CSMD2: variants seen among roughly 807,000 people sequenced by gnomAD.
The protein encoded by CSMD2 is CUB and Sushi multiple domains 2, also known as CUB and sushi domain-containing protein 2.
Under a neutral mutation model 398.5 loss-of-function variants are expected in CSMD2, and 130 were observed. The observed-to-expected ratio is 0.33, with a 90% CI of 0.28 to 0.38. The LOEUF (loss-of-function observed/expected upper bound fraction) is 0.38, where lower values mean the gene tolerates loss of function less well. Among genes scored for constraint, CSMD2 ranks in the 10% least tolerant of loss-of-function variants. The pLI, the probability that CSMD2 is intolerant of heterozygous loss-of-function variation, is 1.00. For synonymous variants in CSMD2, 1,828 were observed against 1,908.5 expected (o/e 0.96, Z 1.10); for missense variants, 3,829 against 4,764.9 (o/e 0.80, Z 5.78).
chr1:33,539,129 G>A (rs896733288), intron 60 of CSMD2, among the ~76,000 whole-genome samples: 3 of 152,166 alleles, frequency 2.0e-5, no homozygotes, highest in Admixed American at 6.5e-5. Context: ...CACCACGCCC[G>A]GCTAATTTTT....
At chr1:33,558,829 T>C (rs1318791065) in intron 54 of CSMD2, among the ~76,000 whole-genome samples, 1 of 152,070 alleles carries the variant, frequency 6.6e-6, no homozygotes, top group African/African-American at 2.4e-5. Context: ...TTTAACCCTC[T>C]GCTTTTTCAT....
chr1:33,935,704 C>T (rs1644457573), intron 4 of CSMD2, 56 bp downstream of exon 4: 1 of 1,507,630 alleles, frequency 6.6e-7, no homozygotes, highest in Non-Finnish European at 8.9e-7. Context: ...CTGGAAGCTC[C>T]AGCATCACCT....
chr1:33,935,730 ACT>A (rs530757406), intron 4 of CSMD2, 28 bp downstream of exon 4: 1,268 of 1,568,664 alleles, frequency 8.1e-4, no homozygotes, highest in Non-Finnish European at 1.1e-3. Context: ...CCACTGCCCC[ACT>A]CTGTCAGACC....
intron 1 of CSMD2, among the ~76,000 whole-genome samples, chr1:34,142,343 C>T (rs1437887875): frequency 6.6e-6 from 1 of 152,064 alleles, no homozygotes; most frequent in African/African-American, 2.4e-5. Context: ...GAGCCAAGGC[C>T]CAAGATCGGC....
chr1:34,031,498 G>A lies in CSMD2; in HGVS notation c.517+1096C>T, dbSNP rs76557451. ...AGAAGCCCTCAGCAAAAGACAGGTG[G>A]AACTTTCTCAGGAGCCTTCTCAGCA... On this transcript the variant is annotated intron_variant, in intron 3 of 70. Coordinates refer to ENST00000373381, the MANE Select transcript of CSMD2 (RefSeq NM_001281956.2). Among the ~76,000 whole-genome samples the A allele has an allele frequency of 6.4e-4, 97 of 152,146 alleles. 1 individual carries two copies. In the East Asian group the frequency reaches 0.018, roughly 28 times the overall value.
At chr1:33,946,159 T>TG (rs1474340822) in intron 3 of CSMD2, among the ~76,000 whole-genome samples, 1 of 152,222 alleles carries the variant, frequency 6.6e-6, no homozygotes, top group African/African-American at 2.4e-5. Context: ...TGCTTAACCT[T>TG]GCTTAATCCA....
chr1:33,829,581 G>A (rs1314362310), intron 6 of CSMD2, among the ~76,000 whole-genome samples: 3 of 152,188 alleles, frequency 2.0e-5, no homozygotes, highest in Admixed American at 6.5e-5. Context: ...CGTGAGCGAC[G>A]CAGAAGAAGG....
chr1:34,155,047 A>T (rs1640681897), intron 1 of CSMD2, among the ~76,000 whole-genome samples: 2 of 152,170 alleles, frequency 1.3e-5, no homozygotes. Flanking sequence ...ATATTTGAAG[A>T]CATATATCAA....
At chr1:33,747,471 T>A (rs1315836083) in intron 13 of CSMD2, among the ~76,000 whole-genome samples, 2 of 152,166 alleles carry the variant, frequency 1.3e-5, no homozygotes, top group Non-Finnish European at 2.9e-5. Flanking sequence ...CTTTTAAAGA[T>A]GTTAAGTGTA....
intron 5 of CSMD2, among the ~76,000 whole-genome samples, chr1:33,907,224 T>A (rs1383130484): frequency 6.6e-6 from 1 of 151,442 alleles, no homozygotes; most frequent in African/African-American, 2.4e-5. Flanking sequence ...CTTTGCGCCA[T>A]TCTCCTGCCT....
At chr1:34,073,199 A>G (rs1655937400) in intron 2 of CSMD2, among the ~76,000 whole-genome samples, 1 of 152,200 alleles carries the variant, frequency 6.6e-6, no homozygotes, top group African/African-American at 2.4e-5. Context: ...AGCTCCTACC[A>G]ACAGGTTTGC....
intron 10 of CSMD2, among the ~76,000 whole-genome samples, chr1:33,806,471 A>T (rs757214446): frequency 6.6e-6 from 1 of 152,178 alleles, no homozygotes; most frequent in Non-Finnish European, 1.5e-5. Flanking sequence ...GGTCTCAAAG[A>T]ATTACCAGAG....
intron 1 of CSMD2, among the ~76,000 whole-genome samples, chr1:34,108,279 G>T (rs1660715032): frequency 6.6e-6 from 1 of 151,726 alleles, no homozygotes; most frequent in Non-Finnish European, 1.5e-5. Context: ...TAATGAGAGA[G>T]AGAGAAAAAA....
chr1:33,535,121 G>A (rs1025070722), intron 62 of CSMD2, among the ~76,000 whole-genome samples: 16 of 152,222 alleles, frequency 1.1e-4, no homozygotes, highest in Admixed American at 6.5e-4. Context: ...CCATGCTGCC[G>A]CCTTTGCAAA....
At chr1:33,592,900 G>T (rs1380144080) in intron 44 of CSMD2, among the ~76,000 whole-genome samples, 1 of 149,836 alleles carries the variant, frequency 6.7e-6, no homozygotes, top group Non-Finnish European at 1.5e-5. Flanking sequence ...AGTGAACCAA[G>T]ATCACGCCAC....
intron 37 of CSMD2, among the ~76,000 whole-genome samples, chr1:33,618,150 A>G (rs947950684): frequency 4.6e-5 from 7 of 152,180 alleles, no homozygotes; most frequent in African/African-American, 1.2e-4. Flanking sequence ...GTGTTAGCAG[A>G]TAAGACTCTC....
chr1:33,788,276 G>A (rs1162619056), intron 12 of CSMD2, among the ~76,000 whole-genome samples: 1 of 152,082 alleles, frequency 6.6e-6, no homozygotes, highest in East Asian at 1.9e-4. Context: ...GGGAGGCTGA[G>A]GCAGGTGGGT....
At chr1:33,948,093 C>T (rs1047535302) in intron 3 of CSMD2, among the ~76,000 whole-genome samples, 1 of 152,158 alleles carries the variant, frequency 6.6e-6, no homozygotes, top group Non-Finnish European at 1.5e-5. Context: ...TACAGGTCTC[C>T]CTAACTGGGC....
At chr1:34,017,118 A>G (rs775173734) in intron 3 of CSMD2, among the ~76,000 whole-genome samples, 1 of 152,236 alleles carries the variant, frequency 6.6e-6, no homozygotes, top group African/African-American at 2.4e-5. Context: ...AATCCTTGGC[A>G]GAGCTTGATC....
Sources: gnomAD v4.1 joint callset for allele counts (sites outside exome capture counted in the v4.1 genomes callset) on GRCh38, gnomAD v4.1.1 for gene constraint, MANE v1.5 for transcripts, NCBI Gene and HGNC (gene_info 2026-07-23, HGNC 2026-07-21) for gene names.